WDR70: variants seen among roughly 807,000 people sequenced by gnomAD.
WDR70 encodes WD repeat domain 70.
In WDR70, 53 loss-of-function variants were observed where a neutral mutation model predicts 88.6. The observed-to-expected ratio is 0.60, with a 90% CI of 0.48 to 0.75. The LOEUF is 0.75. WDR70 is among the 30% of genes least tolerant of loss of function. The probability of loss-of-function intolerance (pLI) is 0.00; values close to 1 mark genes in which losing one functional copy is unlikely to be tolerated. For missense variants in WDR70, 610 were observed against 823.2 expected, an observed-to-expected ratio of 0.74 and a Z score of 3.17; for synonymous variants, 280 against 270.0, an observed-to-expected ratio of 1.04 and a Z score of -0.36.
chr5:37,638,123 T>C (rs1745020215), intron 10 of WDR70, among the ~76,000 whole-genome samples: 1 of 152,180 alleles, frequency 6.6e-6, no homozygotes, highest in Non-Finnish European at 1.5e-5. Context: ...GGGATCTACT[T>C]TCCATTCTTT....
intron 10 of WDR70, among the ~76,000 whole-genome samples, chr5:37,664,891 T>G (rs1745794866): frequency 6.6e-6 from 1 of 152,246 alleles, no homozygotes; most frequent in African/African-American, 2.4e-5. Context: ...GGATTGGATG[T>G]GTTTAGTATC....
intron 5 of WDR70, among the ~76,000 whole-genome samples, chr5:37,420,697 A>T (rs947324583): frequency 6.6e-6 from 1 of 152,192 alleles, no homozygotes; most frequent in East Asian, 1.9e-4. Flanking sequence ...GGATGACATG[A>T]GGTTGAGAGT....
At chr5:37,694,879 A>G (rs1025585268) in intron 10 of WDR70, among the ~76,000 whole-genome samples, 1 of 151,858 alleles carries the variant, frequency 6.6e-6, no homozygotes, top group Non-Finnish European at 1.5e-5. Context: ...AAGTTTAGTC[A>G]TGCTACTCCT....
At chr5:37,619,316 T>G (rs1744438348) in intron 10 of WDR70, among the ~76,000 whole-genome samples, 1 of 151,922 alleles carries the variant, frequency 6.6e-6, no homozygotes, top group African/African-American at 2.4e-5. Context: ...CAAAGCACAA[T>G]TAGTCCTCTG....
chr5:37,527,590 AAAC>A (rs1741327184), intron 9 of WDR70, among the ~76,000 whole-genome samples: 3 of 152,352 alleles, frequency 2.0e-5, no homozygotes, highest in South Asian at 2.1e-4. Flanking sequence ...CTTATGTCTA[AAAC>A]AACAAAAGCA....
intron 7 of WDR70, among the ~76,000 whole-genome samples, chr5:37,456,813 G>GCTA (rs571406571): frequency 3.0e-4 from 45 of 152,242 alleles, no homozygotes; most frequent in South Asian, 1.2e-3. Flanking sequence ...AAAGCAATGG[G>GCTA]CTACTATCCA....
At chr5:37,529,857 A>G (rs1741427087) in intron 9 of WDR70, among the ~76,000 whole-genome samples, 1 of 152,172 alleles carries the variant, frequency 6.6e-6, no homozygotes, top group African/African-American at 2.4e-5. Flanking sequence ...TTCCAGTACT[A>G]TGTTGAGTAG....
At chr5:37,550,223 G>A (rs558981780) in intron 9 of WDR70, among the ~76,000 whole-genome samples, 7 of 152,236 alleles carry the variant, frequency 4.6e-5, no homozygotes, top group Admixed American at 1.3e-4. Context: ...ATGATCATAC[G>A]GTTTTAGTCC....
chr5:37,391,083 T>C (rs1748804872), intron 3 of WDR70, among the ~76,000 whole-genome samples: 2 of 152,188 alleles, frequency 1.3e-5, no homozygotes, highest in South Asian at 4.1e-4. Context: ...CTTTGAATAC[T>C]TTTTAAAAAA....
At chr5:37,499,078 C>T (rs1386964641) in intron 8 of WDR70, among the ~76,000 whole-genome samples, 2 of 151,298 alleles carry the variant, frequency 1.3e-5, no homozygotes, top group African/African-American at 4.9e-5. Context: ...TGCATTCCCC[C>T]ATGATGAATG....
At chr5:37,600,298 C>T (rs935360674) in intron 9 of WDR70, among the ~76,000 whole-genome samples, 8 of 152,100 alleles carry the variant, frequency 5.3e-5, no homozygotes, top group African/African-American at 1.2e-4. Context: ...GAGGCTGATG[C>T]GGGTGGATCA....
chr5:37,495,229 A>G (rs1740178670), intron 8 of WDR70, among the ~76,000 whole-genome samples: 3 of 152,160 alleles, frequency 2.0e-5, no homozygotes, highest in Admixed American at 2.0e-4. Flanking sequence ...AGTTAAGAAG[A>G]ACTTTTGGAT....
chr5:37,457,028 A>G (rs1421791578), intron 7 of WDR70, among the ~76,000 whole-genome samples: 2 of 152,206 alleles, frequency 1.3e-5, no homozygotes, highest in Non-Finnish European at 2.9e-5. Flanking sequence ...GAGAACATAT[A>G]CTATCCAATG....
chr5:37,452,015 A>AC (rs1216587695), intron 7 of WDR70, among the ~76,000 whole-genome samples: 9 of 152,158 alleles, frequency 5.9e-5, no homozygotes, highest in African/African-American at 2.2e-4. Context: ...AACAACAACA[A>AC]AAAAGAAAAA....
intron 12 of WDR70, among the ~76,000 whole-genome samples, chr5:37,701,369 G>A (rs981295064): frequency 3.3e-5 from 5 of 152,042 alleles, no homozygotes; most frequent in African/African-American, 1.2e-4. Flanking sequence ...TTATTCATGT[G>A]TTTGTGTGTA....
chr5:37,611,473 A>G (rs1179546543), intron 10 of WDR70, among the ~76,000 whole-genome samples: 3 of 151,984 alleles, frequency 2.0e-5, no homozygotes, highest in Non-Finnish European at 4.4e-5. Context: ...TATATTTTTC[A>G]TTTATATCTA....
chr5:37,527,049 T>C (rs1741301584), intron 9 of WDR70, among the ~76,000 whole-genome samples: 1 of 152,144 alleles, frequency 6.6e-6, no homozygotes, highest in South Asian at 2.1e-4. Flanking sequence ...AAAATGGCCA[T>C]ACTGCCCAAG....
In WDR70 at chr5:37,379,502, C is replaced by G. The variant is rs1748353304; in HGVS notation, c.39C>G (p.Asp13Glu). ...RSGPSEVTGS[D>E]ASGPDPQLAV... ...CTCTTGCTCCAGTGACAGGCTCAGA[C>G]GCGTCGGGACCGGACCCGCAGCTTG... The change falls in exon 2 of 18, where the codon GAC becomes GAG. Residue 13 changes from aspartate to glutamate, a missense_variant. Physicochemically the swap from Asp to Glu is conservative, Grantham distance 45. This residue lies in a region of WDR70 where 203 missense variants were observed against 228.1 expected (regional missense o/e 0.89). Coordinates refer to ENST00000265107, the MANE Select transcript of WDR70 (RefSeq NM_018034.4). 1.2e-6 allele frequency: 2 copies of G among 1,614,002 alleles called. No individual in the cohort carries two copies. Among genetic ancestry groups the G allele is most frequent in the Non-Finnish European group, 1.7e-6 (2 of 1,179,882 alleles).
intron 10 of WDR70, among the ~76,000 whole-genome samples, chr5:37,668,302 C>T (rs1040193233): frequency 3.3e-5 from 5 of 152,092 alleles, no homozygotes; most frequent in Non-Finnish European, 5.9e-5. Context: ...ATATTTAAGT[C>T]ATCTAATCAG....
Sources: gnomAD v4.1 joint callset for allele counts (sites outside exome capture counted in the v4.1 genomes callset) on GRCh38, gnomAD v4.1.1 for gene constraint, gnomAD v4.1.1 regional missense constraint, MANE v1.5 for transcripts, NCBI Gene and HGNC (gene_info 2026-07-23, HGNC 2026-07-21) for gene names.